ABHD2: variants seen among roughly 807,000 people sequenced by gnomAD.
ABHD2 encodes monoacylglycerol lipase ABHD2.
ABHD2 carries 20 observed loss-of-function variants against 48.1 expected under a neutral mutation model. The ratio of observed to expected loss-of-function variants is 0.42; its 90% CI spans 0.29 to 0.60. ABHD2 has a LOEUF of 0.60. Among genes scored for constraint, ABHD2 ranks in the 20% least tolerant of loss-of-function variants. The probability of loss-of-function intolerance (pLI) is 0.24; values close to 1 mark genes in which losing one functional copy is unlikely to be tolerated. For missense variants in ABHD2, 405 were observed against 550.9 expected, an observed-to-expected ratio of 0.74 and a Z score of 2.65; for synonymous variants, 209 against 214.2, an observed-to-expected ratio of 0.98 and a Z score of 0.21.
At chr15:89,178,630 A>AGCT (rs2051056745) in intron 6 of ABHD2, among the ~76,000 whole-genome samples, 1 of 152,234 alleles carries the variant, frequency 6.6e-6, no homozygotes, top group African/African-American at 2.4e-5. Flanking sequence ...AGCAAAGTCT[A>AGCT]GCTGCTGCTA....
rs35188439 is a variant in ABHD2, at chr15:89,147,350, C to CTTTTTT, written c.195-4311_195-4306dup. On this transcript the variant is annotated intron_variant, in intron 3 of 10. Transcript: ENST00000352732. ...GTTTATAATTGGGTATTGCATAGCT[C>CTTTTTT]TTTTTTTTTTTTTTTTTTTTTGAGA... is the stretch of plus-strand genomic sequence containing the variant. 1.0e-3 allele frequency among the ~76,000 whole-genome samples: 102 copies of CTTTTTT among 100,316 alleles called. 3 individuals are homozygous for CTTTTTT. The highest frequency in any genetic ancestry group is 4.1e-3 in the African/African-American group (97 of 23,638). 65.8% of individuals were successfully genotyped at this position (100,316 alleles called of 152,430 possible).
At chr15:89,149,290 A>G (rs1387507683) in intron 3 of ABHD2, among the ~76,000 whole-genome samples, 1 of 152,144 alleles carries the variant, frequency 6.6e-6, no homozygotes, top group Non-Finnish European at 1.5e-5. Flanking sequence ...GGTGTTAGGT[A>G]GGCTGGAAAG....
intron 5 of ABHD2, among the ~76,000 whole-genome samples, chr15:89,170,618 A>G (rs962557016): frequency 1.3e-4 from 20 of 152,312 alleles, no homozygotes; most frequent in African/African-American, 4.8e-4. Flanking sequence ...ATGTTACCAC[A>G]TTGCCTTCCA....
chr15:89,148,250 G>T (rs555653037), intron 3 of ABHD2, among the ~76,000 whole-genome samples: 1 of 151,480 alleles, frequency 6.6e-6, no homozygotes, highest in African/African-American at 2.4e-5. Context: ...TAAATCAATA[G>T]AAAAATAGAC....
chr15:89,149,111 T>A (rs1367783068), intron 3 of ABHD2, among the ~76,000 whole-genome samples: 5 of 152,182 alleles, frequency 3.3e-5, no homozygotes, highest in Non-Finnish European at 7.3e-5. Context: ...GTTTTATCAG[T>A]AGGTATTGTC....
Position 89,100,236 on chromosome 15 carries a change from T to C in ABHD2, c.-107+11673T>C. Among the ~76,000 whole-genome samples, 1 of 152,134 alleles carries C rather than the reference T, an allele frequency of 6.6e-6. No homozygotes were observed. The highest frequency in any genetic ancestry group is 6.5e-5 in the Admixed American group (1 of 15,268). ...GCCTTGGTGAATGAAGTCTCTCCTT[T>C]GTCTTCTCTGGTGAGCACACCACTC... On this transcript the variant is annotated intron_variant, in intron 1 of 10. Coordinates refer to ENST00000352732, the MANE Select transcript of ABHD2 (RefSeq NM_152924.5). This position sits in a 1 kb window ranked among gnomAD's most constrained non-coding sequence, Gnocchi z 4.4.
intron 6 of ABHD2, chr15:89,183,245 G>T (rs999624564): frequency 7.3e-5 from 11 of 151,204 alleles, no homozygotes; most frequent in Admixed American, 5.9e-4. Flanking sequence ...TTTGAATCAG[G>T]ATCCACATAC....
Position 89,141,222 on chromosome 15 carries a change from T to C in ABHD2, c.195-10455T>C, listed in dbSNP as rs115981569. ...GTCTCAAACTCCTGGCCTCAAGCAGTCCTCCCACTTGGCCTCCCAAATTGC... is the reference window on the plus strand; with the variant it reads ...GTCTCAAACTCCTGGCCTCAAGCAGCCCTCCCACTTGGCCTCCCAAATTGC... On this transcript the variant is annotated intron_variant, in intron 3 of 10. Transcript: ENST00000352732. 2.0e-3 allele frequency among the ~76,000 whole-genome samples: 301 copies of C among 151,772 alleles called. 1 individual carries two copies. The highest frequency in any genetic ancestry group is 7.0e-3 in the African/African-American group (289 of 41,342).
intron 1 of ABHD2, among the ~76,000 whole-genome samples, chr15:89,099,464 T>C (rs973027173): frequency 3.3e-5 from 5 of 151,966 alleles, no homozygotes; most frequent in Non-Finnish European, 7.4e-5. Flanking sequence ...GAAATTTTAA[T>C]TAGCCAAGTG....
the ABHD2 span, among the ~76,000 whole-genome samples, chr15:89,065,339 T>G: frequency 7.9e-5 from 12 of 152,178 alleles, no homozygotes; most frequent in Non-Finnish European, 1.5e-4. Context: ...AAATGTTAAT[T>G]AAGGGTGTAG....
chr15:89,149,888 A>T (rs1294736386), intron 3 of ABHD2, among the ~76,000 whole-genome samples: 1 of 152,134 alleles, frequency 6.6e-6, no homozygotes, highest in Non-Finnish European at 1.5e-5. Flanking sequence ...GTGTGTTGAG[A>T]TCACCCCTCC....
rs986426857 is a variant in ABHD2, at chr15:89,120,442, G to A, written c.194+3921G>A. On this transcript the variant is annotated intron_variant, in intron 3 of 10. Transcript: ENST00000352732. This position sits in a 1 kb window ranked among gnomAD's most constrained non-coding sequence, Gnocchi z 4.2. ...CATATTCATTTTTTTAAATGGAAAAGGTAGAGCACACAAAAATTATCTATA... is the reference window on the plus strand; with the variant it reads ...CATATTCATTTTTTTAAATGGAAAAAGTAGAGCACACAAAAATTATCTATA... Among the ~76,000 whole-genome samples, 5 of 151,942 alleles carry A rather than the reference G, an allele frequency of 3.3e-5. No homozygotes were observed. Among genetic ancestry groups the A allele is most frequent in the African/African-American group, 9.7e-5 (4 of 41,366 alleles).
intron 3 of ABHD2, among the ~76,000 whole-genome samples, chr15:89,126,392 G>A (rs1200376485): frequency 6.6e-6 from 1 of 152,190 alleles, no homozygotes; most frequent in Non-Finnish European, 1.5e-5. Flanking sequence ...CCTTCTCAAT[G>A]TGTGGTTGAC....
At position 89,100,033 on chromosome 15, in the gene ABHD2, T is replaced by C. The variant is rs1161406557; in HGVS notation, c.-107+11470T>C. Among the ~76,000 whole-genome samples, 1 of 152,172 alleles carries C rather than the reference T, an allele frequency of 6.6e-6. No individual in the cohort carries two copies. The highest frequency in any genetic ancestry group is 1.9e-4 in the East Asian group (1 of 5,202). On this transcript the variant is annotated intron_variant, in intron 1 of 10. Coordinates refer to ENST00000352732, the MANE Select transcript of ABHD2 (RefSeq NM_152924.5). This position sits in a 1 kb window ranked among gnomAD's most constrained non-coding sequence, Gnocchi z 4.4. ...TATGGTTCACAGATTTAATATTTTG[T>C]CTGGGCAGCCGGTAGAGGAGCTTAT...
In ABHD2 at chr15:89,191,142, T is replaced by C; in HGVS notation, c.989T>C (p.Leu330Pro). The stretch of plus-strand genomic sequence containing the variant: ...GAGGAAGAAAGTTGCATGCGGTACC[T>C]GCACAGGGTGAGTGGCCATCACGGG... ...YYEEESCMRY[L>P]HRIYVPLMLV... The change falls in exon 9 of 11, where the codon CTG becomes CCG. Residue 330 changes from leucine (L) to proline (P), a missense_variant. Leu to Pro is a moderately conservative substitution (Grantham distance 98). Transcript: ENST00000352732. 1 of 1,613,890 alleles carries C rather than the reference T, an allele frequency of 6.2e-7. No homozygotes were observed. The highest frequency in any genetic ancestry group is 8.5e-7 in the Non-Finnish European group (1 of 1,179,874).
chr15:89,050,618 A>C, the ABHD2 span, among the ~76,000 whole-genome samples: 1 of 152,184 alleles, frequency 6.6e-6, no homozygotes, highest in Non-Finnish European at 1.5e-5. Context: ...TTGTTGGAGC[A>C]AGGGAGCCCA....
At chr15:89,181,247 A>AAAAAAC (rs1468630044) in intron 6 of ABHD2, among the ~76,000 whole-genome samples, 1 of 151,614 alleles carries the variant, frequency 6.6e-6, no homozygotes, top group Non-Finnish European at 1.5e-5. Context: ...AAAAAAAAAA[A>AAAAAAC]AAACAAGATG....
intron 3 of ABHD2, among the ~76,000 whole-genome samples, chr15:89,147,510 C>T (rs946541388): frequency 3.3e-5 from 5 of 151,666 alleles, no homozygotes; most frequent in East Asian, 2.0e-4. Flanking sequence ...CCCGCCACCA[C>T]GCCCGGCTAA....
rs911372701 is a variant in ABHD2 at position 89,111,257 on chromosome 15, G to A, written c.-106-2468G>A. Among the ~76,000 whole-genome samples, 112 of 152,068 alleles carry A rather than the reference G, an allele frequency of 7.4e-4. 1 individual carries two copies. The highest frequency in any genetic ancestry group is 2.7e-3 in the African/African-American group (110 of 41,478). On this transcript the variant is annotated intron_variant, in intron 1 of 10. Transcript: ENST00000352732. The stretch of plus-strand genomic sequence containing the variant: ...TGTTTGTAGTCATTATGAATTTTGG[G>A]AAATAGAAAAAAAGAAGTCGCCAAT...
Sources: allele counts gnomAD v4.1 joint callset (sites outside exome capture counted in the v4.1 genomes callset), GRCh38; gene constraint gnomAD v4.1.1; non-coding constraint Gnocchi (gnomAD v3.1); transcripts MANE v1.5; gene names NCBI Gene and HGNC (gene_info 2026-07-23, HGNC 2026-07-21).